Variants in MARCHF7 observed in about 807,000 individuals in gnomAD.
MARCHF7 encodes E3 ubiquitin-protein ligase MARCHF7.
In MARCHF7, 20 loss-of-function variants were observed where a neutral mutation model predicts 76.5. The observed-to-expected ratio is 0.26, with a 90% CI of 0.18 to 0.38. The LOEUF (loss-of-function observed/expected upper bound fraction) is 0.38, where lower values mean the gene tolerates loss of function less well. MARCHF7 is among the 10% of genes least tolerant of loss of function. MARCHF7 has a pLI of 1.00. For synonymous variants in MARCHF7, 295 were observed against 293.0 expected (o/e 1.01, Z -0.07); for missense variants, 797 against 812.9 (o/e 0.98, Z 0.24).
intron 3 of MARCHF7, among the ~76,000 whole-genome samples, chr2:159,722,367 GC>G (rs1701730020): frequency 6.6e-6 from 1 of 152,066 alleles, no homozygotes; most frequent in African/African-American, 2.4e-5. Context: ...CGAACTCCTG[GC>G]CTCAAGTGAT....
At chr2:159,744,635 A>T (rs987387509) in intron 5 of MARCHF7, among the ~76,000 whole-genome samples, 2 of 152,214 alleles carry the variant, frequency 1.3e-5, no homozygotes, top group African/African-American at 4.8e-5. Context: ...GTCTATTTTG[A>T]TAAGCTGGAA....
chr2:159,761,603 G>T (rs1304037025), intron 9 of MARCHF7, among the ~76,000 whole-genome samples: 1 of 150,008 alleles, frequency 6.7e-6, no homozygotes, highest in Admixed American at 6.7e-5. Flanking sequence ...GTAGAGATGG[G>T]GTTTCACCGT....
intron 5 of MARCHF7, among the ~76,000 whole-genome samples, chr2:159,744,004 TGG>T (rs1560011387): frequency 8.2e-5 from 2 of 24,316 alleles, no homozygotes; most frequent in Admixed American, 3.6e-4. Flanking sequence ...TTTTTTTTTT[TGG>T]AGACGGAGTC....
intron 3 of MARCHF7, among the ~76,000 whole-genome samples, chr2:159,720,777 A>T (rs1701549079): frequency 6.6e-6 from 1 of 152,212 alleles, no homozygotes; most frequent in South Asian, 2.1e-4. Flanking sequence ...TCAGGATTTG[A>T]ACTTCCATTT....
intron 6 of MARCHF7, among the ~76,000 whole-genome samples, 157 bp from the exon 7 acceptor site, chr2:159,747,648 C>T (rs919772976): frequency 6.6e-6 from 1 of 152,090 alleles, no homozygotes; most frequent in African/African-American, 2.4e-5. Context: ...AAGAGAAATA[C>T]ATTTATGTTT....
Position 159,770,167 on chromosome 2 carries a change from A to G in MARCHF7, c.*2825A>G, listed in dbSNP as rs1708089931. 1 of 152,112 alleles carries G rather than the reference A, an allele frequency of 6.6e-6. No individual in the cohort carries two copies. Among genetic ancestry groups the G allele is most frequent in the Non-Finnish European group, 1.5e-5 (1 of 68,022 alleles). 9.4% of individuals were successfully genotyped at this position (152,112 alleles called of 1,614,324 possible). On this transcript the variant is annotated 3_prime_UTR_variant, in exon 12 of 12. Coordinates refer to ENST00000409175, the MANE Select transcript of MARCHF7 (RefSeq NM_001282805.2). ...CTGTAGTTCTTCAAGGAGTGGTACA[A>G]TTTGGGTAGGAAAACCAGGCAGGAA...
At chr2:159,724,442 T>C (rs1218317760) in intron 3 of MARCHF7, among the ~76,000 whole-genome samples, 1 of 152,222 alleles carries the variant, frequency 6.6e-6, no homozygotes, top group Non-Finnish European at 1.5e-5. Context: ...GTTTATTTGG[T>C]AATTTTCTCT....
At chr2:159,723,900 C>A (rs2042783) in intron 3 of MARCHF7, among the ~76,000 whole-genome samples, 1 of 152,118 alleles carries the variant, frequency 6.6e-6, no homozygotes, top group Non-Finnish European at 1.5e-5. Flanking sequence ...TCTTTTCTTA[C>A]AACTTCTGCT....
rs1306005815 is a variant in MARCHF7 at position 159,769,568 on chromosome 2, C to G, written c.*2226C>G. ...CTGAGGCAGGAGAATTGCTTGAAAA[C>G]CTGCAAGGCGGAGATTGGAGAGAGC... is the stretch of plus-strand genomic sequence containing the variant. On this transcript the variant is annotated 3_prime_UTR_variant, in exon 12 of 12. Coordinates refer to ENST00000409175, the MANE Select transcript of MARCHF7 (RefSeq NM_001282805.2). 1 of 152,186 alleles carries G rather than the reference C, an allele frequency of 6.6e-6. No homozygotes were observed. The highest frequency in any genetic ancestry group is 2.4e-5 in the African/African-American group (1 of 41,416). 9.4% of individuals were successfully genotyped at this position (152,186 alleles called of 1,614,324 possible).
rs565067006 is a variant in MARCHF7 at position 159,743,280 on chromosome 2, T to C, written c.346+27T>C. The stretch of plus-strand genomic sequence containing the variant: ...TAAGAATGAGTTTCTGTAGGTATTT[T>C]AAGCCGTTTTTCTCCAGGTGTAACA... On this transcript the variant is annotated intron_variant, in intron 5 of 11. Coordinates refer to ENST00000409175, the MANE Select transcript of MARCHF7 (RefSeq NM_001282805.2). 32 of 1,594,128 alleles carry C rather than the reference T, an allele frequency of 2.0e-5. No homozygotes were observed. The South Asian group carries it at 3.3e-4, about 16-fold the overall frequency.
intron 5 of MARCHF7, 113 bp downstream of exon 5, chr2:159,743,366 A>G: frequency 2.1e-6 from 2 of 938,604 alleles, no homozygotes; most frequent in Non-Finnish European, 1.6e-6. Flanking sequence ...TGGGTCAGAA[A>G]TGTAGTGGAA....
intron 4 of MARCHF7, among the ~76,000 whole-genome samples, chr2:159,735,085 A>G (rs986506084): frequency 1.3e-5 from 2 of 152,206 alleles, no homozygotes; most frequent in Non-Finnish European, 2.9e-5. Flanking sequence ...TGGTGTGGAG[A>G]TGGGTACTCT....
At chr2:159,744,597 A>G (rs572629108) in intron 5 of MARCHF7, among the ~76,000 whole-genome samples, 9 of 152,346 alleles carry the variant, frequency 5.9e-5, no homozygotes, top group African/African-American at 2.2e-4. Context: ...TTTGTGTATT[A>G]CCAGTTGAAG....
chr2:159,724,173 A>C (rs1701924573), intron 3 of MARCHF7, among the ~76,000 whole-genome samples: 3 of 152,234 alleles, frequency 2.0e-5, no homozygotes, highest in Admixed American at 1.3e-4. Flanking sequence ...ATTCAAGGCT[A>C]AACATTTTTC....
chr2:159,764,212 T>TTGTGTG (rs377705664), intron 10 of MARCHF7, among the ~76,000 whole-genome samples: 2,020 of 138,576 alleles, frequency 0.015, 18 homozygotes, highest in Middle Eastern at 0.035. Context: ...CTTGGGAGTT[T>TTGTGTG]TGTGTGTGTG....
rs1708019255 is a variant in MARCHF7, at chr2:159,768,515, C to T, written c.*1173C>T. The T allele has an allele frequency of 6.6e-6, 1 of 152,606 alleles. No homozygotes were observed. Among genetic ancestry groups the T allele is most frequent in the Non-Finnish European group, 1.5e-5 (1 of 68,004 alleles). 9.5% of individuals were successfully genotyped at this position (152,606 alleles called of 1,614,324 possible). A position where few individuals can be genotyped will look rare whatever the true frequency, so the allele number is the denominator to read the frequency against. On this transcript the variant is annotated 3_prime_UTR_variant, in exon 12 of 12. Transcript: ENST00000409175. ...CAAAAGTGATTGAACAGTTTGCCCACACTTAGTTTGTTGGTCTTATGTAAA... is the reference window on the plus strand; with the variant it reads ...CAAAAGTGATTGAACAGTTTGCCCATACTTAGTTTGTTGGTCTTATGTAAA...
At chr2:159,760,813 A>G (rs981704579) in intron 9 of MARCHF7, among the ~76,000 whole-genome samples, 1 of 151,060 alleles carries the variant, frequency 6.6e-6, no homozygotes, top group Admixed American at 6.6e-5. Flanking sequence ...CATTTTAATG[A>G]CCCATATTCT....
chr2:159,734,263 AAAT>A (rs2125454223), intron 4 of MARCHF7, among the ~76,000 whole-genome samples: 1 of 152,098 alleles, frequency 6.6e-6, no homozygotes, highest in East Asian at 1.9e-4. Context: ...TTTTAATATG[AAAT>A]AATTTTAAAA....
intron 6 of MARCHF7, among the ~76,000 whole-genome samples, chr2:159,746,239 G>T (rs1704866329): frequency 6.6e-6 from 1 of 152,136 alleles, no homozygotes; most frequent in South Asian, 2.1e-4. Context: ...GAATTTGCCT[G>T]TAACAGATGT....
Sources: gnomAD v4.1 joint callset for allele counts (sites outside exome capture counted in the v4.1 genomes callset) on GRCh38, gnomAD v4.1.1 for gene constraint, MANE v1.5 for transcripts, NCBI Gene and HGNC (gene_info 2026-07-23, HGNC 2026-07-21) for gene names.